ELAVL4: variants seen among roughly 807,000 people sequenced by gnomAD.
The protein encoded by ELAVL4 is ELAV-like protein 4.
A neutral mutation model predicts 35.6 loss-of-function variants in ELAVL4; 1 was observed. That is an observed-to-expected ratio of 0.03 (90% CI 0.01 to 0.13). ELAVL4 has a LOEUF of 0.13. ELAVL4 is among the 10% of genes least tolerant of loss of function. The pLI, the probability that ELAVL4 is intolerant of heterozygous loss-of-function variation, is 1.00. For synonymous variants in ELAVL4, 156 were observed against 171.0 expected (o/e 0.91, Z 0.69); for missense variants, 267 against 464.9 (o/e 0.57, Z 3.91).
At chr1:50,136,248 T>C (rs747519014) in intron 1 of ELAVL4, among the ~76,000 whole-genome samples, 2 of 152,150 alleles carry the variant, frequency 1.3e-5, no homozygotes, top group Non-Finnish European at 2.9e-5. Context: ...ACACAGAGCC[T>C]GCTGTGTAAT....
chr1:50,159,628 G>C (rs572217575), intron 2 of ELAVL4, among the ~76,000 whole-genome samples: 1 of 152,012 alleles, frequency 6.6e-6, no homozygotes, highest in Non-Finnish European at 1.5e-5. Context: ...AAAAAAAATG[G>C]GGGGCTCTTT....
At chr1:50,156,769 G>A (rs1199420879) in intron 2 of ELAVL4, among the ~76,000 whole-genome samples, 1 of 152,170 alleles carries the variant, frequency 6.6e-6, no homozygotes, top group Non-Finnish European at 1.5e-5. Context: ...GCATACCCAT[G>A]TCTGTCTGCC....
At chr1:50,171,024 CA>C (rs1678904473) in intron 2 of ELAVL4, among the ~76,000 whole-genome samples, 1 of 152,042 alleles carries the variant, frequency 6.6e-6, no homozygotes, top group Non-Finnish European at 1.5e-5. Context: ...AAGAATGAGA[CA>C]AAACAAGCAA....
At chr1:50,075,563 C>A (rs572867323) in intron 1 of ELAVL4, among the ~76,000 whole-genome samples, 1 of 152,224 alleles carries the variant, frequency 6.6e-6, no homozygotes, top group African/African-American at 2.4e-5. Context: ...AGCATGGAGG[C>A]CTGGAAGGCT....
At chr1:50,107,840 G>C (rs939301679), upstream of ELAVL4, among the ~76,000 whole-genome samples, 13 of 152,158 alleles carry the variant, frequency 8.5e-5, no homozygotes, top group African/African-American at 3.1e-4. Flanking sequence ...ACTACTGAAG[G>C]CTTGGTAGTG....
chr1:50,144,842 C>G (rs1427177309), intron 1 of ELAVL4, 115 bp from the exon 2 acceptor site: 2 of 1,496,440 alleles, frequency 1.3e-6, no homozygotes, highest in Non-Finnish European at 1.8e-6. Flanking sequence ...CAGTCTCTTG[C>G]TCCATCTTGC....
At chr1:50,144,547 G>A (rs764999488) in intron 1 of ELAVL4, 1 of 484,310 alleles carries the variant, frequency 2.1e-6, no homozygotes, top group South Asian at 1.5e-5. Flanking sequence ...ATTTGATCTT[G>A]TGAGTGTAGT....
At chr1:50,103,885 G>C (rs1386628618), upstream of ELAVL4, 2 of 1,604,896 alleles carry the variant, frequency 1.2e-6, no homozygotes, top group South Asian at 1.1e-5. Context: ...GTGTTCGGAG[G>C]GACTGGTGTG....
upstream of ELAVL4, among the ~76,000 whole-genome samples, chr1:50,108,581 T>C (rs183931281): frequency 1.9e-3 from 294 of 152,134 alleles, no homozygotes; most frequent in Middle Eastern, 3.4e-3. Flanking sequence ...GCCCTCAGGA[T>C]GGGAAAAGAA....
chr1:50,145,031 C>T lies in ELAVL4; in HGVS notation c.84C>T (p.Asn28=). Reference sequence around the variant, plus strand: ...CAAGCAATGGACCCTCCAGCAACAACAGAAACTGTCCTTCTCCCATGCAAA... The same window carrying T: ...CAAGCAATGGACCCTCCAGCAACAATAGAAACTGTCCTTCTCCCATGCAAA... ...SNTSNGPSSN[N]RNCPSPMQTG... Residue 28 remains asparagine (N), a synonymous_variant, in exon 2 of 7, where the codon AAC becomes AAT. Coordinates refer to ENST00000371824, the MANE Select transcript of ELAVL4 (RefSeq NM_001144774.3). 1.5e-5 allele frequency: 24 copies of T among 1,613,988 alleles called. No homozygotes were observed. Among genetic ancestry groups the T allele is most frequent in the Non-Finnish European group, 2.0e-5 (24 of 1,179,956 alleles).
intron 2 of ELAVL4, among the ~76,000 whole-genome samples, chr1:50,158,054 G>C (rs1224247021): frequency 1.3e-5 from 2 of 152,074 alleles, no homozygotes; most frequent in Non-Finnish European, 2.9e-5. Flanking sequence ...TACTAGCTGT[G>C]TAACAGGCAA....
rs1048552996 is a variant in ELAVL4, at chr1:50,201,078, A to G, written c.1001A>G (p.Tyr334Cys). 1.9e-6 allele frequency: 3 copies of G among 1,613,988 alleles called. No homozygotes were observed. The highest frequency in any genetic ancestry group is 2.5e-6 in the Non-Finnish European group (3 of 1,180,008). ...TTCGGCTTTGTCACCATGACCAACT[A>G]TGATGAGGCGGCCATGGCCATCGCC... Reference protein sequence around the residue: ...KGFGFVTMTNYDEAAMAIASL... With the variant: ...KGFGFVTMTNCDEAAMAIASL... The change falls in exon 7 of 7, where the codon TAT (tyrosine) becomes TGT (cysteine). Residue 334 changes from tyrosine to cysteine, a missense_variant. Tyr to Cys is a radical substitution (Grantham distance 194). Coordinates refer to ENST00000371824, the MANE Select transcript of ELAVL4 (RefSeq NM_001144774.3). The surrounding 1 kb of genome is among the most constrained non-coding windows in gnomAD (Gnocchi z 4.3).
At chr1:50,177,650 G>T (rs1187361847) in intron 3 of ELAVL4, among the ~76,000 whole-genome samples, 1 of 152,148 alleles carries the variant, frequency 6.6e-6, no homozygotes, top group Non-Finnish European at 1.5e-5. Context: ...GATGGGAGGT[G>T]GCAGGGCCAA....
chr1:50,178,164 T>C (rs903704730), intron 3 of ELAVL4, among the ~76,000 whole-genome samples: 3 of 152,194 alleles, frequency 2.0e-5, no homozygotes, highest in African/African-American at 7.2e-5. Flanking sequence ...TGAGTCCCCA[T>C]CTTTCATAGC....
intron 1 of ELAVL4, among the ~76,000 whole-genome samples, chr1:50,050,935 G>A (rs539128449): frequency 6.6e-6 from 1 of 152,234 alleles, no homozygotes; most frequent in Admixed American, 6.5e-5. Flanking sequence ...ATACATGCTA[G>A]CTGTTAGTTT....
At chr1:50,110,107 G>T in intron 1 of ELAVL4, 1 of 1,096,364 alleles carries the variant, frequency 9.1e-7, no homozygotes, top group Non-Finnish European at 1.3e-6. Flanking sequence ...GTATGTATGT[G>T]TGTGTTTATT....
At chr1:50,197,058 C>G (rs965459318) in intron 5 of ELAVL4, among the ~76,000 whole-genome samples, 4 of 152,154 alleles carry the variant, frequency 2.6e-5, no homozygotes, top group Non-Finnish European at 5.9e-5. Flanking sequence ...GAACAGAGAC[C>G]TTTATTTACA....
rs5774068 is a variant in ELAVL4 at position 50,192,519 on chromosome 1, G to GCACACACACACACA, written c.355-1214_355-1201dup. Among the ~76,000 whole-genome samples the GCACACACACACACA allele has an allele frequency of 5.0e-3, 707 of 140,406 alleles. 3 individuals are homozygous for GCACACACACACACA. Among genetic ancestry groups the GCACACACACACACA allele is most frequent in the Non-Finnish European group, 5.1e-3 (332 of 65,024 alleles). The allele number at this position is 140,406 out of a possible 152,430, so 92.1% of individuals were successfully genotyped here. A position where few individuals can be genotyped will look rare whatever the true frequency, so the allele number is the denominator to read the frequency against. On this transcript the variant is annotated intron_variant, in intron 3 of 6. Coordinates refer to ENST00000371824, the MANE Select transcript of ELAVL4 (RefSeq NM_001144774.3). ...TTTGCACACATGCTTTTGTGTGCAC[G>GCACACACACACACA]CACACACACACACACACACACACAC...
intron 2 of ELAVL4, among the ~76,000 whole-genome samples, chr1:50,172,697 G>A (rs546733966): frequency 1.3e-5 from 2 of 152,160 alleles, no homozygotes; most frequent in Non-Finnish European, 2.9e-5. Context: ...CCCTGATCCA[G>A]ACTATGATCT....
Sources: allele counts gnomAD v4.1 joint callset (sites outside exome capture counted in the v4.1 genomes callset), GRCh38; gene constraint gnomAD v4.1.1; non-coding constraint Gnocchi (gnomAD v3.1); transcripts MANE v1.5; gene names NCBI Gene and HGNC (gene_info 2026-07-23, HGNC 2026-07-21).